PCSK5: variants seen among roughly 807,000 people sequenced by gnomAD.
PCSK5 encodes the protein proprotein convertase subtilisin/kexin type 5.
Under a neutral mutation model 233.2 loss-of-function variants are expected in PCSK5, and 129 were observed. The observed-to-expected ratio is 0.55, with a 90% CI of 0.48 to 0.64. The LOEUF (loss-of-function observed/expected upper bound fraction) is 0.64, where lower values mean the gene tolerates loss of function less well. Ranked by LOEUF, PCSK5 falls within the 30% of genes least tolerant of loss-of-function variation. The pLI is 0.00. For synonymous variants in PCSK5, 825 were observed against 879.2 expected (o/e 0.94, Z 1.09); for missense variants, 2,076 against 2,430.1 (o/e 0.85, Z 3.06).
Position 76,358,788 on chromosome 9 carries a change from G to A in PCSK5, c.5530G>A (p.Glu1844Lys). The part of the protein sequence containing the change: ...VIEYRDRDYD[E>K]DDDDDIVYMG... Reference sequence around the variant, plus strand: ...TGAGTACAGGGATCGGGACTATGATGAGGATGATGATGATGACATCGTCTA... The same window carrying A: ...TGAGTACAGGGATCGGGACTATGATAAGGATGATGATGATGACATCGTCTA... Residue 1844 changes from glutamate to lysine, a missense_variant, in exon 38 of 38, where the codon GAG becomes AAG. Physicochemically the swap from Glu to Lys is moderately conservative, Grantham distance 56. Around this residue, in one of 6 missense-constraint regions of PCSK5, gnomAD observed 1,510 missense variants for 1,538.1 expected, o/e 0.98. Coordinates refer to ENST00000674117, the MANE Select transcript of PCSK5 (RefSeq NM_001372043.1). The A allele has an allele frequency of 6.2e-7, 1 of 1,612,938 alleles. No homozygotes were observed. The highest frequency in any genetic ancestry group is 8.5e-7 in the Non-Finnish European group (1 of 1,179,894).
At chr9:76,193,452 TCTCTCTTTCTTTTCTTG>T in intron 20 of PCSK5, 1 of 853,170 alleles carries the variant, frequency 1.2e-6, no homozygotes, top group East Asian at 2.8e-5. Flanking sequence ...GCAAGCCACC[TCTCTCTTTCTTTTCTTG>T]CTCTCTTTTT....
At chr9:75,987,617 A>G (rs1826574003) in intron 3 of PCSK5, among the ~76,000 whole-genome samples, 1 of 152,176 alleles carries the variant, frequency 6.6e-6, no homozygotes, top group Admixed American at 6.5e-5. Flanking sequence ...GATCCCAAAC[A>G]GAATTTTACA....
intron 5 of PCSK5, among the ~76,000 whole-genome samples, chr9:76,041,194 A>G (rs979142742): frequency 3.3e-5 from 5 of 152,236 alleles, no homozygotes; most frequent in African/African-American, 1.2e-4. Context: ...TTTTATGTAA[A>G]ATAAAATACA....
chr9:76,304,282 C>A (rs1828707281), intron 28 of PCSK5, among the ~76,000 whole-genome samples: 2 of 152,350 alleles, frequency 1.3e-5, no homozygotes, highest in Admixed American at 1.3e-4. Context: ...GTATTTGCAT[C>A]TATCCGCATA....
chr9:76,201,488 G>C (rs963375461), intron 20 of PCSK5, among the ~76,000 whole-genome samples: 12 of 152,168 alleles, frequency 7.9e-5, no homozygotes, highest in Non-Finnish European at 1.5e-4. Flanking sequence ...TGATATCAGA[G>C]CACCCACAAG....
In PCSK5 at chr9:76,188,490, G is replaced by GTC. The variant is rs145692465; in HGVS notation, c.2283-87_2283-86insCT. The GTC allele has an allele frequency of 2.1e-3, 1,715 of 810,298 alleles. 13 individuals are homozygous for GTC. Among genetic ancestry groups the GTC allele is most frequent in the African/African-American group, 0.02 (1,157 of 58,716 alleles). 50.2% of individuals were successfully genotyped at this position (810,298 alleles called of 1,614,324 possible). On this transcript the variant is annotated intron_variant, in intron 17 of 37. Transcript: ENST00000674117. Reference sequence around the variant, plus strand: ...AATCCACTGGCCTCTGAGGGAAACTGTATCTGTTACATATGGAGTTTGGGG... The same window carrying GTC: ...AATCCACTGGCCTCTGAGGGAAACTGTCTATCTGTTACATATGGAGTTTGGGG...
At chr9:75,894,319 A>T (rs1587321526) in intron 1 of PCSK5, among the ~76,000 whole-genome samples, 1 of 152,202 alleles carries the variant, frequency 6.6e-6, no homozygotes, top group East Asian at 1.9e-4. Context: ...AGCATTTGAA[A>T]GTCACGAGAG....
chr9:76,198,961 A>C (rs1210750527), intron 20 of PCSK5, among the ~76,000 whole-genome samples: 1 of 152,242 alleles, frequency 6.6e-6, no homozygotes, highest in East Asian at 1.9e-4. Context: ...ATGAAACCTT[A>C]AAAATGGAGT....
intron 24 of PCSK5, among the ~76,000 whole-genome samples, chr9:76,288,752 C>G (rs779174089): frequency 1.3e-5 from 2 of 152,196 alleles, no homozygotes; most frequent in Non-Finnish European, 2.9e-5. Flanking sequence ...GTTATGCTCA[C>G]CCTCCACTTG....
chr9:76,080,372 C>G (rs1029579200), intron 7 of PCSK5, among the ~76,000 whole-genome samples: 1 of 152,166 alleles, frequency 6.6e-6, no homozygotes, highest in Non-Finnish European at 1.5e-5. Flanking sequence ...ATTATACCTC[C>G]TTCTATTGAT....
intron 30 of PCSK5, among the ~76,000 whole-genome samples, chr9:76,319,405 T>TTATTATAAA (rs546233891): frequency 8.2e-6 from 1 of 121,746 alleles, no homozygotes; most frequent in Non-Finnish European, 1.8e-5. Context: ...CAATTATCAA[T>TTATTATAAA]CATTATTAAT....
intron 24 of PCSK5, among the ~76,000 whole-genome samples, chr9:76,284,403 C>A (rs144426942): frequency 5.3e-5 from 8 of 152,082 alleles, no homozygotes; most frequent in Non-Finnish European, 1.0e-4. Context: ...AGGACAGATA[C>A]CCCGCACACA....
At chr9:76,035,690 A>G (rs1391432291) in intron 5 of PCSK5, among the ~76,000 whole-genome samples, 2 of 152,194 alleles carry the variant, frequency 1.3e-5, no homozygotes, top group Non-Finnish European at 2.9e-5. Context: ...TATCCTTTTT[A>G]AATAATGGAT....
At chr9:76,112,145 G>T (rs1039625763) in intron 9 of PCSK5, among the ~76,000 whole-genome samples, 2 of 152,146 alleles carry the variant, frequency 1.3e-5, no homozygotes, top group African/African-American at 4.8e-5. Context: ...ATTGCAAAGG[G>T]TCTTTCATTG....
In PCSK5 at chr9:76,099,189, C is replaced by T. The variant is rs558534675; in HGVS notation, c.1107+3087C>T. ...CTAGTTCTTAGATTCCCTTATTTTG[C>T]CTGAATTCCCAAATTACCCCCAATT... On this transcript the variant is annotated intron_variant, in intron 8 of 37. Coordinates refer to ENST00000674117, the MANE Select transcript of PCSK5 (RefSeq NM_001372043.1). 4.5e-4 allele frequency among the ~76,000 whole-genome samples: 69 copies of T among 152,094 alleles called. 1 individual carries two copies. The East Asian group carries it at 0.011, about 25-fold the overall frequency.
rs112089431 is a variant in PCSK5 at position 76,280,522 on chromosome 9, G to A, written c.3143-11711G>A. On this transcript the variant is annotated intron_variant, in intron 24 of 37. Coordinates refer to ENST00000674117, the MANE Select transcript of PCSK5 (RefSeq NM_001372043.1). ...TTTGGGAGGCCGAGGCAGGAGGATC[G>A]CTTGAGCCCAGGAATTAGAGACCAG... Among the ~76,000 whole-genome samples, 722 of 152,028 alleles carry A rather than the reference G, an allele frequency of 4.7e-3. 7 individuals are homozygous for A. The highest frequency in any genetic ancestry group is 0.016 in the African/African-American group (668 of 41,404).
intron 3 of PCSK5, among the ~76,000 whole-genome samples, chr9:75,998,588 C>A (rs1203517147): frequency 6.6e-6 from 1 of 152,188 alleles, no homozygotes; most frequent in Non-Finnish European, 1.5e-5. Context: ...CTTCCTTGTA[C>A]TTTATCAGAA....
chr9:76,117,504 C>G (rs1335073775), intron 9 of PCSK5, among the ~76,000 whole-genome samples: 2 of 152,126 alleles, frequency 1.3e-5, no homozygotes, highest in Non-Finnish European at 2.9e-5. Flanking sequence ...ATTCAACTTA[C>G]ACTTGGTTTT....
intron 10 of PCSK5, among the ~76,000 whole-genome samples, chr9:76,137,429 A>G (rs1223260380): frequency 4.0e-5 from 6 of 151,880 alleles, no homozygotes; most frequent in Non-Finnish European, 1.5e-5. Context: ...AACAATTTTA[A>G]TCAAACTAAG....
Sources: allele counts gnomAD v4.1 joint callset (sites outside exome capture counted in the v4.1 genomes callset), GRCh38; gene constraint gnomAD v4.1.1; regional missense constraint gnomAD v4.1.1; transcripts MANE v1.5; gene names NCBI Gene and HGNC (gene_info 2026-07-23, HGNC 2026-07-21).